The following ZC3H12A variants were observed in gnomAD, a reference collection of about 807,000 sequenced individuals.
ZC3H12A encodes zinc finger CCCH-type containing 12A.
In ZC3H12A, 9 loss-of-function variants were observed where a neutral mutation model predicts 29.9. That is an observed-to-expected ratio of 0.30 (90% CI 0.18 to 0.53). The LOEUF (loss-of-function observed/expected upper bound fraction) is 0.53, where lower values mean the gene tolerates loss of function less well. ZC3H12A is among the 20% of genes least tolerant of loss of function. ZC3H12A has a pLI of 0.96. For missense variants in ZC3H12A, 617 were observed against 799.0 expected (o/e 0.77, Z 2.75); for synonymous variants, 323 against 338.1 (o/e 0.96, Z 0.49).
rs1396301040 is a variant in ZC3H12A, at chr1:37,481,734, C to T, written c.717C>T (p.Ile239=). The change falls in exon 4 of 6, where the codon ATC becomes ATT. Residue 239 remains isoleucine (I), a synonymous_variant. Transcript: ENST00000373087. ...AGCTGGCCTACGAGTCTGACGGGAT[C>T]GTGGTTTCCAACGACACATACCGTG... ...IVKLAYESDG[I]VVSNDTYRDL... 6.2e-7 allele frequency: 1 copy of T among 1,614,244 alleles called. No individual in the cohort carries two copies. The highest frequency in any genetic ancestry group is 8.5e-7 in the Non-Finnish European group (1 of 1,180,042).
chr1:37,482,783 G>A lies in ZC3H12A; in HGVS notation c.972G>A (p.Glu324=). 1.9e-6 allele frequency: 3 copies of A among 1,614,118 alleles called. No individual in the cohort carries two copies. Among genetic ancestry groups the A allele is most frequent in the Non-Finnish European group, 2.5e-6 (3 of 1,180,032 alleles). ...YGIKCRFFHP[E]RPSCPQRSVA... ...TCAAGTGCCGATTCTTCCACCCAGAGCGGCCAAGCTGCCCCCAGCGCTCTG... is the reference window on the plus strand; with the variant it reads ...TCAAGTGCCGATTCTTCCACCCAGAACGGCCAAGCTGCCCCCAGCGCTCTG... The change falls in exon 6 of 6, where the codon GAG becomes GAA. Residue 324 remains glutamate, a synonymous_variant. Coordinates refer to ENST00000373087, the MANE Select transcript of ZC3H12A (RefSeq NM_025079.3).
At chr1:37,482,596 C>T in intron 5 of ZC3H12A, 56 bp downstream of exon 5, 5 of 1,609,300 alleles carry the variant, frequency 3.1e-6, no homozygotes, top group Non-Finnish European at 4.3e-6. Context: ...TTCCTCTCAC[C>T]TGTCTGCCTG....
At position 37,483,059 on chromosome 1, in the gene ZC3H12A, G is replaced by A. The variant is rs1234046515; in HGVS notation, c.1248G>A (p.Gly416=). 1.9e-6 allele frequency: 3 copies of A among 1,608,642 alleles called. No homozygotes were observed. Among genetic ancestry groups the A allele is most frequent in the South Asian group, 1.1e-5 (1 of 90,584 alleles). The change falls in exon 6 of 6, where the codon GGG becomes GGA. Residue 416 remains glycine (G), a synonymous_variant. Transcript: ENST00000373087. ...APSGGSGSSF[G]PTDWLPQTLD... ...GCGGGGGCAGTGGCAGCAGCTTTGG[G>A]CCCACAGACTGGCTCCCACAGACGC... is the stretch of plus-strand genomic sequence containing the variant.
chr1:37,476,034 G>A lies in ZC3H12A; in HGVS notation c.443+95G>A. 1 of 1,295,592 alleles carries A rather than the reference G, an allele frequency of 7.7e-7. No individual in the cohort carries two copies. The highest frequency in any genetic ancestry group is 1.0e-6 in the Non-Finnish European group (1 of 975,788). 80.3% of individuals were successfully genotyped at this position (1,295,592 alleles called of 1,614,324 possible). On this transcript the variant is annotated intron_variant, in intron 2 of 5. Coordinates refer to ENST00000373087, the MANE Select transcript of ZC3H12A (RefSeq NM_025079.3). The surrounding 1 kb of genome is among the most constrained non-coding windows in gnomAD (Gnocchi z 6.0). ...ATGACTGTCTCTGCAGCTCTGGTGG[G>A]CTGGAAGAAGTGACTTCCTTCTTAG... is the stretch of plus-strand genomic sequence containing the variant.
At position 37,476,965 on chromosome 1, in the gene ZC3H12A, T is replaced by G. The variant is rs1489426477; in HGVS notation, c.443+1026T>G. ...GCATGACATCAGCCTCTGCCCTCCC[T>G]AATTTGTGGCCCCTGTGGGACAAGT... On this transcript the variant is annotated intron_variant, in intron 2 of 5. Coordinates refer to ENST00000373087, the MANE Select transcript of ZC3H12A (RefSeq NM_025079.3). The surrounding 1 kb of genome is among the most constrained non-coding windows in gnomAD (Gnocchi z 6.0). 1.3e-5 allele frequency among the ~76,000 whole-genome samples: 2 copies of G among 152,226 alleles called. No individual in the cohort carries two copies. The highest frequency in any genetic ancestry group is 4.8e-5 in the African/African-American group (2 of 41,456).
At position 37,476,037 on chromosome 1, in the gene ZC3H12A, G is replaced by A; in HGVS notation, c.443+98G>A. The A allele has an allele frequency of 1.6e-6, 2 of 1,278,638 alleles. No homozygotes were observed. Among genetic ancestry groups the A allele is most frequent in the South Asian group, 1.7e-5 (1 of 60,546 alleles). 79.2% of individuals were successfully genotyped at this position (1,278,638 alleles called of 1,614,324 possible). A position where few individuals can be genotyped will look rare whatever the true frequency, so the allele number is the denominator to read the frequency against. On this transcript the variant is annotated intron_variant, in intron 2 of 5. Coordinates refer to ENST00000373087, the MANE Select transcript of ZC3H12A (RefSeq NM_025079.3). The surrounding 1 kb of genome is among the most constrained non-coding windows in gnomAD (Gnocchi z 6.0). ...ACTGTCTCTGCAGCTCTGGTGGGCT[G>A]GAAGAAGTGACTTCCTTCTTAGGGA...
chr1:37,482,667 A>T (rs765491909), intron 5 of ZC3H12A, 70 bp from the exon 6 acceptor site: 6 of 1,610,500 alleles, frequency 3.7e-6, no homozygotes, highest in Admixed American at 1.7e-5. Flanking sequence ...TTCCTGTGCC[A>T]CCCCTTCCCT....
rs766609694 is a variant in ZC3H12A, at chr1:37,480,417, G to C, written c.571G>C (p.Val191Leu). Residue 191 changes from valine (V) to leucine (L), a missense_variant, in exon 3 of 6, where the codon GTG (valine) becomes CTG (leucine). Coordinates refer to ENST00000373087, the MANE Select transcript of ZC3H12A (RefSeq NM_025079.3). ...SWRKEQPRPD[V>L]PITDQHILRE... ...GAGGAAGGAGCAGCCTCGGCCCGAC[G>C]TGCCCATCACAGGTGAGTGGTGCCT... is the stretch of plus-strand genomic sequence containing the variant. 1.9e-6 allele frequency: 3 copies of C among 1,612,828 alleles called. No homozygotes were observed. The highest frequency in any genetic ancestry group is 2.5e-6 in the Non-Finnish European group (3 of 1,179,206).
chr1:37,480,821 A>G (rs533501449), intron 3 of ZC3H12A, among the ~76,000 whole-genome samples: 1 of 144,422 alleles, frequency 6.9e-6, no homozygotes, highest in Admixed American at 7.2e-5. Flanking sequence ...GCTCTGAGCC[A>G]CATGCTCCTC....
chr1:37,475,523 T>C lies in ZC3H12A; in HGVS notation c.27T>C (p.Pro9=), dbSNP rs760203734. Reference sequence around the variant, plus strand: ...TGAGTGGCCCCTGTGGAGAGAAGCCTGTCCTGGAAGCCAGCCCCACCATGA... The same window carrying C: ...TGAGTGGCCCCTGTGGAGAGAAGCCCGTCCTGGAAGCCAGCCCCACCATGA... MSGPCGEK[P]VLEASPTMSL... Residue 9 remains proline, a synonymous_variant, in exon 2 of 6, where the codon CCT becomes CCC. Coordinates refer to ENST00000373087, the MANE Select transcript of ZC3H12A (RefSeq NM_025079.3). This position sits in a 1 kb window ranked among gnomAD's most constrained non-coding sequence, Gnocchi z 5.2. 6.2e-7 allele frequency: 1 copy of C among 1,611,474 alleles called. No homozygotes were observed. The highest frequency in any genetic ancestry group is 1.7e-5 in the Admixed American group (1 of 59,944).
rs981891256 is a variant in ZC3H12A, at chr1:37,481,657, C to A, written c.640C>A (p.Arg214=). 1.2e-6 allele frequency: 2 copies of A among 1,614,234 alleles called. No individual in the cohort carries two copies. The highest frequency in any genetic ancestry group is 1.7e-6 in the Non-Finnish European group (2 of 1,180,036). ...KKKILVFTPS[R]RVGGKRVVCY... ...GAAGATCCTGGTGTTCACACCATCA[C>A]GACGCGTGGGTGGCAAGCGGGTGGT... is the stretch of plus-strand genomic sequence containing the variant. The change falls in exon 4 of 6, where the codon CGA becomes AGA. Residue 214 remains arginine (R), a synonymous_variant. Transcript: ENST00000373087.
chr1:37,475,439 T>A lies in ZC3H12A; in HGVS notation c.-38-20T>A. ...AGGAGAGAGCGCTATTCACCGTCCC[T>A]AACCCTGTTGGTTGTTCAGTAGGAG... On this transcript the variant is annotated intron_variant, in intron 1 of 5. Coordinates refer to ENST00000373087, the MANE Select transcript of ZC3H12A (RefSeq NM_025079.3). This position sits in a 1 kb window ranked among gnomAD's most constrained non-coding sequence, Gnocchi z 5.2. 6.5e-7 allele frequency: 1 copy of A among 1,538,002 alleles called. No homozygotes were observed. The highest frequency in any genetic ancestry group is 8.8e-7 in the Non-Finnish European group (1 of 1,142,020).
Position 37,475,332 on chromosome 1 carries a change from G to C in ZC3H12A, c.-38-127G>C. The C allele has an allele frequency of 1.3e-6, 1 of 745,422 alleles. No individual in the cohort carries two copies. The highest frequency in any genetic ancestry group is 2.2e-6 in the Non-Finnish European group (1 of 460,908). 46.2% of individuals were successfully genotyped at this position (745,422 alleles called of 1,614,324 possible). On this transcript the variant is annotated intron_variant, in intron 1 of 5. Transcript: ENST00000373087. This position sits in a 1 kb window ranked among gnomAD's most constrained non-coding sequence, Gnocchi z 5.2. The stretch of plus-strand genomic sequence containing the variant: ...GCCTAGCTGGGAGAGCTTTTGAGAG[G>C]ACAACCTGAACTAATAACACGATGC...
rs201904080 is a variant in ZC3H12A, at chr1:37,475,453, G to T, written c.-38-6G>T. 124 of 1,554,300 alleles carry T rather than the reference G, an allele frequency of 8.0e-5. 1 individual carries two copies. The African/African-American group carries it at 1.5e-3, about 18-fold the overall frequency. ...TTCACCGTCCCTAACCCTGTTGGTT[G>T]TTCAGTAGGAGCTGTGGCGCGGGGC... On this transcript the variant is annotated splice_polypyrimidine_tract_variant and splice_region_variant and intron_variant, in intron 1 of 5. Coordinates refer to ENST00000373087, the MANE Select transcript of ZC3H12A (RefSeq NM_025079.3). The surrounding 1 kb of genome is among the most constrained non-coding windows in gnomAD (Gnocchi z 5.2).
chr1:37,475,931 G>C lies in ZC3H12A; in HGVS notation c.435G>C (p.Val145=). 1 of 1,508,826 alleles carries C rather than the reference G, an allele frequency of 6.6e-7. No homozygotes were observed. The highest frequency in any genetic ancestry group is 8.8e-7 in the Non-Finnish European group (1 of 1,135,288). The allele number at this position is 1,508,826 out of a possible 1,614,324, so 93.5% of individuals were successfully genotyped here. A position where few individuals can be genotyped will look rare whatever the true frequency, so the allele number is the denominator to read the frequency against. ...LRPVVIDGSN[V]AMSHGNKEVF... ...CAGTGGTCATCGATGGGAGCAACGT[G>C]GCCATGAGGTAAGTGTCACTTCTGT... is the stretch of plus-strand genomic sequence containing the variant. The change falls in exon 2 of 6, where the codon GTG becomes GTC. Residue 145 remains valine, a synonymous_variant. Transcript: ENST00000373087. The surrounding 1 kb of genome is among the most constrained non-coding windows in gnomAD (Gnocchi z 5.2).
Position 37,479,203 on chromosome 1 carries a change from A to G in ZC3H12A, c.444-1087A>G, listed in dbSNP as rs957400815. ...GGCTGCTGGTCCTAGGAGCTCTTCC[A>G]TGACACCTAGTGTTACCTGGGAGCC... is the stretch of plus-strand genomic sequence containing the variant. On this transcript the variant is annotated intron_variant, in intron 2 of 5. Coordinates refer to ENST00000373087, the MANE Select transcript of ZC3H12A (RefSeq NM_025079.3). The surrounding 1 kb of genome is among the most constrained non-coding windows in gnomAD (Gnocchi z 4.5). 1 of 985,372 alleles carries G rather than the reference A, an allele frequency of 1.0e-6. No individual in the cohort carries two copies. Among genetic ancestry groups the G allele is most frequent in the Non-Finnish European group, 1.2e-6 (1 of 829,920 alleles). The allele number at this position is 985,372 out of a possible 1,614,324, so 61.0% of individuals were successfully genotyped here.
rs1208929534 is a variant in ZC3H12A, at chr1:37,482,725, T to C, written c.926-12T>C. The stretch of plus-strand genomic sequence containing the variant: ...TGCCCCTGCTTAGAGTCCCTCTTGA[T>C]TCCTCTTCCAGGAAGGAAATGCACC... On this transcript the variant is annotated splice_polypyrimidine_tract_variant and intron_variant, in intron 5 of 5. Transcript: ENST00000373087. The C allele has an allele frequency of 2.5e-6, 4 of 1,613,694 alleles. No individual in the cohort carries two copies. The Admixed American group carries it at 6.7e-5, about 27-fold the overall frequency.
At chr1:37,480,094 C>T in intron 2 of ZC3H12A, 196 bp from the exon 3 acceptor site, 1 of 1,300,858 alleles carries the variant, frequency 7.7e-7, no homozygotes, top group Non-Finnish European at 9.8e-7. Flanking sequence ...GGCCTTGGGC[C>T]CCACCTGCAG....
Position 37,479,787 on chromosome 1 carries a change from C to G in ZC3H12A, c.444-503C>G. 1 of 985,412 alleles carries G rather than the reference C, an allele frequency of 1.0e-6. No individual in the cohort carries two copies. The highest frequency in any genetic ancestry group is 1.2e-6 in the Non-Finnish European group (1 of 829,932). The allele number at this position is 985,412 out of a possible 1,614,324, so 61.0% of individuals were successfully genotyped here. A position where few individuals can be genotyped will look rare whatever the true frequency, so the allele number is the denominator to read the frequency against. On this transcript the variant is annotated intron_variant, in intron 2 of 5. Coordinates refer to ENST00000373087, the MANE Select transcript of ZC3H12A (RefSeq NM_025079.3). The surrounding 1 kb of genome is among the most constrained non-coding windows in gnomAD (Gnocchi z 4.5). ...CTCGGTCAGCCCAGCCGGTGCTTCCCCCGCCCCCACCCACGCTGCAAGAGG... is the reference window on the plus strand; with the variant it reads ...CTCGGTCAGCCCAGCCGGTGCTTCCGCCGCCCCCACCCACGCTGCAAGAGG...
Sources: gnomAD v4.1 joint callset for allele counts (sites outside exome capture counted in the v4.1 genomes callset) on GRCh38, gnomAD v4.1.1 for gene constraint, Gnocchi (gnomAD v3.1) non-coding constraint, MANE v1.5 for transcripts, NCBI Gene and HGNC (gene_info 2026-07-23, HGNC 2026-07-21) for gene names.